Variants in TMPRSS4 observed in about 807,000 individuals in gnomAD.
TMPRSS4 encodes transmembrane protease serine 4.
A neutral mutation model predicts 56.4 loss-of-function variants in TMPRSS4; 45 were observed. The ratio of observed to expected loss-of-function variants is 0.80; its 90% confidence interval spans 0.63 to 1.02. TMPRSS4 has a LOEUF of 1.02. TMPRSS4 is among the 50% of genes least tolerant of loss of function. TMPRSS4 has a pLI of 0.00. For missense variants in TMPRSS4, 546 were observed against 556.7 expected, an observed-to-expected ratio of 0.98 and a Z score of 0.19; for synonymous variants, 205 against 211.0, an observed-to-expected ratio of 0.97 and a Z score of 0.25.
chr11:118,090,185 T>G (rs755527333), intron 1 of TMPRSS4, among the ~76,000 whole-genome samples: 28 of 152,368 alleles, frequency 1.8e-4, no homozygotes, highest in Middle Eastern at 3.4e-3. Context: ...TTGTTTTGAC[T>G]GCAGCCTAAT....
At position 118,118,972 on chromosome 11, in the gene TMPRSS4, A is replaced by AATT; in HGVS notation, c.*1061_*1063dup. On this transcript the variant is annotated 3_prime_UTR_variant, in exon 13 of 13. Transcript: ENST00000437212. ...GTCCCTGCACTCAAAATGGTCAAAG[A>AATT]ATTAAACCCCATGGACTTTTTTGGC... The AATT allele has an allele frequency of 1.0e-6, 1 of 985,400 alleles. No homozygotes were observed. Among genetic ancestry groups the AATT allele is most frequent in the Non-Finnish European group, 1.2e-6 (1 of 829,924 alleles). The allele number at this position is 985,400 out of a possible 1,614,324, so 61.0% of individuals were successfully genotyped here. A position where few individuals can be genotyped will look rare whatever the true frequency, so the allele number is the denominator to read the frequency against.
At chr11:118,124,294 A>C (rs764423289), downstream of TMPRSS4, among the ~76,000 whole-genome samples, 13 of 152,160 alleles carry the variant, frequency 8.5e-5, no homozygotes, top group Non-Finnish European at 1.5e-4. Flanking sequence ...CTGAGGCAGG[A>C]GAATTGCTTG....
chr11:118,096,523 C>A (rs1172081555), intron 2 of TMPRSS4, among the ~76,000 whole-genome samples: 1 of 152,118 alleles, frequency 6.6e-6, no homozygotes, highest in East Asian at 1.9e-4. Flanking sequence ...GTGGCTTATG[C>A]CAGTAATCCT....
intron 1 of TMPRSS4, among the ~76,000 whole-genome samples, chr11:118,079,008 A>G (rs780755568): frequency 6.6e-6 from 1 of 152,104 alleles, no homozygotes; most frequent in Non-Finnish European, 1.5e-5. Flanking sequence ...AGTACACCCA[A>G]CACAGACCCT....
rs765618644 is a variant in TMPRSS4 at position 118,104,741 on chromosome 11, G to T, written c.361G>T (p.Gly121Trp). Residue 121 changes from glycine to tryptophan, a missense_variant, in exon 5 of 13, where the codon GGG becomes TGG. Transcript: ENST00000437212. ...STLQVLDSATGNWFSACFDNF... is the reference protein window; with the variant it reads ...STLQVLDSATWNWFSACFDNF... Reference sequence around the variant, plus strand: ...ACTGCAGGTGCTGGACTCGGCCACAGGGAACTGGTTCTCTGCCTGTTTCGA... The same window carrying T: ...ACTGCAGGTGCTGGACTCGGCCACATGGAACTGGTTCTCTGCCTGTTTCGA... 1.9e-6 allele frequency: 3 copies of T among 1,614,208 alleles called. No homozygotes were observed. Among genetic ancestry groups the T allele is most frequent in the Non-Finnish European group, 2.5e-6 (3 of 1,180,032 alleles).
intron 4 of TMPRSS4, among the ~76,000 whole-genome samples, chr11:118,103,554 A>G (rs1024809002): frequency 2.0e-5 from 3 of 151,918 alleles, no homozygotes; most frequent in African/African-American, 7.3e-5. Context: ...GCTAATTTTT[A>G]TATTTTTAGT....
At chr11:118,112,842 T>C (rs12292158) in intron 8 of TMPRSS4, among the ~76,000 whole-genome samples, 3,013 of 149,224 alleles carry the variant, frequency 0.02, 96 homozygotes, top group African/African-American at 0.072. Flanking sequence ...TTTTTTTTTT[T>C]TGAGATTCTG....
chr11:118,115,458 T>C (rs1192339651), intron 11 of TMPRSS4, 178 bp downstream of exon 11: 5 of 682,560 alleles, frequency 7.3e-6, no homozygotes, highest in Admixed American at 3.0e-5. Flanking sequence ...AGTGTACCAA[T>C]AGATGAGTGG....
At chr11:118,077,689 C>T (rs901246588) in intron 1 of TMPRSS4, among the ~76,000 whole-genome samples, 4 of 152,134 alleles carry the variant, frequency 2.6e-5, no homozygotes, top group African/African-American at 9.7e-5. Context: ...TCTGCCACTC[C>T]CTGGGGAAAC....
intron 5 of TMPRSS4, chr11:118,106,688 T>G (rs1439002487): frequency 6.6e-6 from 1 of 152,272 alleles, no homozygotes; most frequent in Non-Finnish European, 1.5e-5. Flanking sequence ...TTCACCATGT[T>G]GGCCAGGCTG....
intron 1 of TMPRSS4, among the ~76,000 whole-genome samples, chr11:118,089,886 C>G (rs1487962027): frequency 3.3e-5 from 5 of 151,992 alleles, no homozygotes; most frequent in African/African-American, 1.2e-4. Context: ...TTGCTCTGTC[C>G]CCCAGGCTGG....
chr11:118,122,426 G>T (rs1947814229), downstream of TMPRSS4, among the ~76,000 whole-genome samples: 1 of 152,082 alleles, frequency 6.6e-6, no homozygotes, highest in African/African-American at 2.4e-5. Flanking sequence ...AGACAAAACT[G>T]ACTTTAGGAT....
intron 9 of TMPRSS4, 126 bp downstream of exon 9, chr11:118,113,561 C>A: frequency 9.2e-7 from 1 of 1,090,094 alleles, no homozygotes; most frequent in Non-Finnish European, 1.3e-6. Flanking sequence ...GCCCATTTGT[C>A]TCTAATACGT....
Position 118,103,178 on chromosome 11 carries a change from G to A in TMPRSS4, c.235G>A (p.Gly79Arg), listed in dbSNP as rs140857224. 61 of 1,614,118 alleles carry A rather than the reference G, an allele frequency of 3.8e-5. No individual in the cohort carries two copies. Among genetic ancestry groups the A allele is most frequent in the Non-Finnish European group, 3.9e-5 (46 of 1,180,046 alleles). Residue 79 changes from glycine (G) to arginine (R), a missense_variant, in exon 4 of 13, where the codon GGA becomes AGA. By Grantham distance (125) the Gly-to-Arg change is moderately radical (BLOSUM62 -2). Coordinates refer to ENST00000437212, the MANE Select transcript of TMPRSS4 (RefSeq NM_019894.4). ...CATCCCGAGGAAGCAGCTGTGTGACGGAGAGCTGGACTGTCCCTTGGGGGA... is the reference window on the plus strand; with the variant it reads ...CATCCCGAGGAAGCAGCTGTGTGACAGAGAGCTGGACTGTCCCTTGGGGGA... ...HFIPRKQLCD[G>R]ELDCPLGEDE... is the part of the protein sequence containing the mutation.
chr11:118,113,399 G>T lies in TMPRSS4; in HGVS notation c.874G>T (p.Ala292Ser). 1 of 1,614,088 alleles carries T rather than the reference G, an allele frequency of 6.2e-7. No individual in the cohort carries two copies. Among genetic ancestry groups the T allele is most frequent in the Non-Finnish European group, 8.5e-7 (1 of 1,180,004 alleles). ...CATGTACCCCAAAGACAATGACATC[G>T]CCCTCATGAAGCTGCAGTTCCCACT... is the stretch of plus-strand genomic sequence containing the variant. The part of the protein sequence containing the change: ...NPMYPKDNDI[A>S]LMKLQFPLTF... Residue 292 changes from alanine to serine, a missense_variant, in exon 9 of 13, where the codon GCC becomes TCC. Transcript: ENST00000437212.
intron 1 of TMPRSS4, among the ~76,000 whole-genome samples, chr11:118,084,048 C>CA (rs1263521068): frequency 6.6e-6 from 1 of 152,016 alleles, no homozygotes; most frequent in Non-Finnish European, 1.5e-5. Context: ...AAAAACAAAA[C>CA]AAAAAAACAA....
At chr11:118,086,504 A>G (rs995422412) in intron 1 of TMPRSS4, among the ~76,000 whole-genome samples, 3 of 152,250 alleles carry the variant, frequency 2.0e-5, no homozygotes, top group Admixed American at 6.5e-5. Flanking sequence ...GTTTGTGAGG[A>G]TGCTCCCTGA....
At chr11:118,107,716 A>G (rs1947063257) in intron 5 of TMPRSS4, 58 bp from the exon 6 acceptor site, 10 of 1,488,896 alleles carry the variant, frequency 6.7e-6, no homozygotes, top group Non-Finnish European at 8.4e-6. Context: ...CAACTCTACC[A>G]TCTTGTTCTA....
intron 8 of TMPRSS4, among the ~76,000 whole-genome samples, chr11:118,112,583 G>A (rs914482076): frequency 3.3e-5 from 5 of 151,788 alleles, no homozygotes; most frequent in African/African-American, 1.2e-4. Flanking sequence ...GGTAGAGACA[G>A]GGTTTCACCA....
Sources: allele counts gnomAD v4.1 joint callset (sites outside exome capture counted in the v4.1 genomes callset), GRCh38; gene constraint gnomAD v4.1.1; transcripts MANE v1.5; gene names NCBI Gene and HGNC (gene_info 2026-07-23, HGNC 2026-07-21).